Variants in CFAP47 observed in about 807,000 individuals in gnomAD.
The protein encoded by CFAP47 is cilia and flagella associated protein 47, also known as cilia- and flagella-associated protein 47.
A neutral mutation model predicts 148.1 loss-of-function variants in CFAP47; 29 were observed. The ratio of observed to expected loss-of-function variants is 0.20; its 90% CI spans 0.15 to 0.27. The LOEUF (loss-of-function observed/expected upper bound fraction) is 0.27. Ranked by LOEUF, CFAP47 falls within the 10% of genes least tolerant of loss-of-function variation. The pLI is 1.00. For synonymous variants in CFAP47, 664 were observed against 577.3 expected (o/e 1.15, Z -2.15); for missense variants, 1,872 against 1,697.5 (o/e 1.10, Z -1.81).
intron 32 of CFAP47, among the ~76,000 whole-genome samples, chrX:36,104,197 T>G (rs775271489): frequency 8.9e-6 from 1 of 112,208 alleles, no homozygotes; most frequent in Non-Finnish European, 1.9e-5. Context: ...TTTAAATGAA[T>G]TTACATCCTA....
intron 62 of CFAP47, among the ~76,000 whole-genome samples, chrX:36,372,040 G>A (rs185686359): frequency 0.013 from 1,280 of 102,074 alleles, 15 homozygotes; most frequent in African/African-American, 0.043. Context: ...ATGTGTGTGT[G>A]TATATATATA....
At chrX:35,930,062 C>T (rs1248624584) in intron 2 of CFAP47, among the ~76,000 whole-genome samples, 5 of 111,518 alleles carry the variant, frequency 4.5e-5, no homozygotes, top group Non-Finnish European at 7.5e-5. Flanking sequence ...ACGATTTTAG[C>T]TGTCAGTATT....
chrX:36,301,102 G>C lies in CFAP47; in HGVS notation c.7893G>C (p.Glu2631Asp), dbSNP rs781918800. Residue 2631 changes from glutamate (E) to aspartate (D), a missense_variant, in exon 53 of 64, where the codon GAG becomes GAC. Coordinates refer to ENST00000378653, the MANE Select transcript of CFAP47 (RefSeq NM_001304548.2). The stretch of plus-strand genomic sequence containing the variant: ...TTTTTCAGCCTGAAATGGCTGAAGA[G>C]TTCTGGTATTTACTGAAGTTAACTA... ...SIIFQPEMAEEFWYLLKLTIE... is the reference protein window; with the variant it reads ...SIIFQPEMAEDFWYLLKLTIE... The C allele has an allele frequency of 1.7e-6, 2 of 1,156,204 alleles. No individual in the cohort carries two copies. The highest frequency in any genetic ancestry group is 2.3e-6 in the Non-Finnish European group (2 of 865,318).
At chrX:36,324,548 A>C (rs1408529423) in intron 57 of CFAP47, among the ~76,000 whole-genome samples, 4 of 111,696 alleles carry the variant, frequency 3.6e-5, no homozygotes, top group Non-Finnish European at 7.5e-5. Context: ...TCTATCCTGT[A>C]AGAACCCTAT....
At chrX:36,359,110 G>C (rs1036263186) in intron 60 of CFAP47, among the ~76,000 whole-genome samples, 5 of 112,180 alleles carry the variant, frequency 4.5e-5, no homozygotes. Flanking sequence ...AATGAATAAA[G>C]AAATGAAAAT....
intron 33 of CFAP47, among the ~76,000 whole-genome samples, chrX:36,107,732 T>G (rs1938488947): frequency 8.9e-6 from 1 of 111,833 alleles, no homozygotes; most frequent in African/African-American, 3.2e-5. Flanking sequence ...TCTTATACAT[T>G]CTCTCTTCTC....
chrX:36,083,986 C>T (rs970321240), intron 29 of CFAP47, among the ~76,000 whole-genome samples: 2 of 110,437 alleles, frequency 1.8e-5, no homozygotes, highest in African/African-American at 6.6e-5. Context: ...TTTATTTTCT[C>T]AAATGTTGCA....
intron 37 of CFAP47, among the ~76,000 whole-genome samples, chrX:36,152,641 A>G (rs1485314471): frequency 8.9e-6 from 1 of 111,748 alleles, no homozygotes; most frequent in Non-Finnish European, 1.9e-5. Context: ...ACCTCTAGAC[A>G]GCTCAAGTAT....
At chrX:35,990,028 A>G (rs1303062172) in intron 16 of CFAP47, 2 of 111,933 alleles carry the variant, frequency 1.8e-5, no homozygotes, top group Non-Finnish European at 3.8e-5. Flanking sequence ...ACTACTTTTC[A>G]TTATGTGTAA....
At chrX:36,255,197 G>A (rs1032581738) in intron 49 of CFAP47, among the ~76,000 whole-genome samples, 3 of 111,966 alleles carry the variant, frequency 2.7e-5, no homozygotes, top group African/African-American at 6.5e-5. Flanking sequence ...AAGAAACAGA[G>A]GGACAGCTTC....
chrX:36,100,227 A>T (rs764953874), intron 32 of CFAP47, among the ~76,000 whole-genome samples: 1 of 111,965 alleles, frequency 8.9e-6, no homozygotes, highest in Admixed American at 9.5e-5. Context: ...TCATACAGTC[A>T]TATCTAACTG....
chrX:36,154,988 CAG>C (rs1320311877), intron 37 of CFAP47, among the ~76,000 whole-genome samples: 1 of 111,064 alleles, frequency 9.0e-6, no homozygotes, highest in Non-Finnish European at 1.9e-5. Flanking sequence ...TTACAGACAA[CAG>C]AAATTTATTT....
In CFAP47 at chrX:36,033,688, T is replaced by A. The variant is rs746537234; in HGVS notation, c.3652-2007T>A. 3.6e-5 allele frequency among the ~76,000 whole-genome samples: 4 copies of A among 111,566 alleles called. No homozygotes were observed. In the South Asian group the frequency reaches 1.5e-3, roughly 41 times the overall value. On this transcript the variant is annotated intron_variant, in intron 23 of 63. Coordinates refer to ENST00000378653, the MANE Select transcript of CFAP47 (RefSeq NM_001304548.2). ...CTTGGGAAAAAAATTGGCTCGTTGT[T>A]TATCCTATATGTTTTAAATCAATCA...
chrX:36,310,719 CAACAA>C, intron 55 of CFAP47, 109 bp from the exon 56 acceptor site: 7 of 369,708 alleles, frequency 1.9e-5, no homozygotes. Context: ...TGCTTTTTAA[CAACAA>C]AACTTTTCTT....
At chrX:36,346,069 T>C (rs1248587621) in intron 57 of CFAP47, among the ~76,000 whole-genome samples, 1 of 112,059 alleles carries the variant, frequency 8.9e-6, no homozygotes, top group Non-Finnish European at 1.9e-5. Flanking sequence ...TATTATCTTG[T>C]AAAGCAGTGT....
chrX:36,188,041 G>A (rs1326240381), intron 40 of CFAP47, among the ~76,000 whole-genome samples: 2 of 111,798 alleles, frequency 1.8e-5, no homozygotes, highest in Admixed American at 1.9e-4. Flanking sequence ...TGATATGGGT[G>A]AAATTGATGG....
intron 22 of CFAP47, among the ~76,000 whole-genome samples, chrX:36,029,917 A>G (rs956306268): frequency 2.7e-5 from 3 of 110,264 alleles, no homozygotes; most frequent in Admixed American, 9.7e-5. Flanking sequence ...ATTTATTTAT[A>G]GCCTGTTATT....
chrX:36,381,017 G>C (rs1387671848), intron 63 of CFAP47, among the ~76,000 whole-genome samples: 3 of 111,704 alleles, frequency 2.7e-5, no homozygotes, highest in Non-Finnish European at 5.6e-5. Flanking sequence ...TTTTTAGCCT[G>C]AAGTGGTACA....
At chrX:36,346,810 C>T (rs989561735) in intron 57 of CFAP47, among the ~76,000 whole-genome samples, 3 of 111,218 alleles carry the variant, frequency 2.7e-5, no homozygotes, top group Non-Finnish European at 5.7e-5. Flanking sequence ...AAGACTTAGA[C>T]GTAAGACCTA....
Sources: allele counts gnomAD v4.1 joint callset (sites outside exome capture counted in the v4.1 genomes callset), GRCh38; gene constraint gnomAD v4.1.1; transcripts MANE v1.5; gene names NCBI Gene and HGNC (gene_info 2026-07-23, HGNC 2026-07-21).